The following TNRC6A variants were observed in gnomAD, a reference collection of about 807,000 sequenced individuals.
TNRC6A encodes the protein trinucleotide repeat-containing gene 6A protein.
TNRC6A carries 44 observed loss-of-function variants against 221.2 expected under a neutral mutation model. That is an observed-to-expected ratio of 0.20 (90% CI 0.16 to 0.26). The LOEUF is 0.26. TNRC6A is among the 10% of genes least tolerant of loss of function. TNRC6A has a pLI of 1.00. For synonymous variants in TNRC6A, 847 were observed against 838.5 expected, an observed-to-expected ratio of 1.01 and a Z score of -0.18; for missense variants, 2,199 against 2,404.4, an observed-to-expected ratio of 0.91 and a Z score of 1.79.
chr16:24,654,288 T>C (rs1490156988), intron 2 of TNRC6A, among the ~76,000 whole-genome samples: 2 of 152,194 alleles, frequency 1.3e-5, no homozygotes, highest in African/African-American at 4.8e-5. Flanking sequence ...GCTTACAAAA[T>C]GCCAGAATGC....
At chr16:24,675,159 A>G (rs1360284601) in intron 2 of TNRC6A, among the ~76,000 whole-genome samples, 2 of 152,166 alleles carry the variant, frequency 1.3e-5, no homozygotes, top group Non-Finnish European at 2.9e-5. Flanking sequence ...AACCAAAAAC[A>G]TTCTCCAACC....
intron 2 of TNRC6A, among the ~76,000 whole-genome samples, chr16:24,679,500 G>A (rs373812356): frequency 1.3e-3 from 193 of 151,314 alleles, no homozygotes; most frequent in African/African-American, 4.3e-3. Context: ...TTTCAAAGAC[G>A]GAGTCTTGCT....
intron 2 of TNRC6A, among the ~76,000 whole-genome samples, chr16:24,652,755 C>T (rs906076431): frequency 5.3e-5 from 8 of 152,166 alleles, no homozygotes; most frequent in Non-Finnish European, 1.2e-4. Flanking sequence ...ACGTGCCTGT[C>T]TTTACATTAG....
chr16:24,771,582 T>TTGTGATGTGATGTTA lies in TNRC6A; in HGVS notation c.164-5348_164-5347insGATGTGATGTTATGT, dbSNP rs1555502170. 2.0e-4 allele frequency among the ~76,000 whole-genome samples: 19 copies of TTGTGATGTGATGTTA among 95,552 alleles called. No individual in the cohort carries two copies. In the South Asian group the frequency reaches 5.8e-3, roughly 29 times the overall value. The allele number at this position is 95,552 out of a possible 152,430, so 62.7% of individuals were successfully genotyped here. A position where few individuals can be genotyped will look rare whatever the true frequency, so the allele number is the denominator to read the frequency against. ...ATGTTTTATGTTATGTTATGTTATG[T>TTGTGATGTGATGTTA]TGTTATGTTATGTTATGTTATGTTA... On this transcript the variant is annotated intron_variant, in intron 4 of 24. Transcript: ENST00000395799.
At chr16:24,674,774 C>T (rs1264284811) in intron 2 of TNRC6A, among the ~76,000 whole-genome samples, 3 of 150,844 alleles carry the variant, frequency 2.0e-5, no homozygotes, top group Non-Finnish European at 4.4e-5. Context: ...GTGACGTAAA[C>T]TTTTCTTAAA....
At chr16:24,820,675 T>C (rs1337510254) in intron 22 of TNRC6A, among the ~76,000 whole-genome samples, 1 of 152,174 alleles carries the variant, frequency 6.6e-6, no homozygotes, top group Non-Finnish European at 1.5e-5. Context: ...CTGGGGAACA[T>C]GGGAGCAGGC....
intron 7 of TNRC6A, 98 bp downstream of exon 7, chr16:24,793,747 ATATATT>A: frequency 2.0e-6 from 2 of 991,124 alleles, no homozygotes; most frequent in South Asian, 4.7e-5. Context: ...GTTATTTATA[ATATATT>A]CATATAATGT....
At chr16:24,730,198 C>G in intron 1 of TNRC6A, 55 bp from the exon 2 acceptor site, 1 of 1,504,638 alleles carries the variant, frequency 6.6e-7, no homozygotes, top group Non-Finnish European at 8.9e-7. Flanking sequence ...TCACGCGCAT[C>G]TCGTTTTTGT....
At chr16:24,661,193 A>G (rs1448290972) in intron 2 of TNRC6A, among the ~76,000 whole-genome samples, 3 of 152,040 alleles carry the variant, frequency 2.0e-5, no homozygotes, top group African/African-American at 7.2e-5. Flanking sequence ...AGGAGTGTAC[A>G]TTGTACCTAA....
At chr16:24,715,605 CTT>C (rs58843836) in intron 2 of TNRC6A, among the ~76,000 whole-genome samples, 2,454 of 127,222 alleles carry the variant, frequency 0.019, 25 homozygotes, top group Middle Eastern at 0.054. Context: ...TGAGTAGTTT[CTT>C]TTTTTTTTTT....
At chr16:24,680,234 A>G (rs1236244446) in intron 2 of TNRC6A, among the ~76,000 whole-genome samples, 1 of 151,904 alleles carries the variant, frequency 6.6e-6, no homozygotes, top group African/African-American at 2.4e-5. Flanking sequence ...AGCCTGGGCA[A>G]CATAGCAAGA....
rs2058827984 is a variant in TNRC6A at position 24,824,133 on chromosome 16, C to CCCCCCCG, written c.*330_*331insCCGCCCC. On this transcript the variant is annotated 3_prime_UTR_variant, in exon 25 of 25. Coordinates refer to ENST00000395799, the MANE Select transcript of TNRC6A (RefSeq NM_014494.4). ...TCCTTCTATTCCTCCCCAACCCCCC[C>CCCCCCCG]CCCCGCCCCTTTTTTTCTCTCTTGC... The CCCCCCCG allele has an allele frequency of 7.4e-6, 1 of 134,552 alleles. No individual in the cohort carries two copies. The highest frequency in any genetic ancestry group is 3.7e-5 in the African/African-American group (1 of 27,060). 8.3% of individuals were successfully genotyped at this position (134,552 alleles called of 1,614,324 possible).
chr16:24,819,262 G>T (rs1472069848), intron 21 of TNRC6A, among the ~76,000 whole-genome samples: 1 of 152,166 alleles, frequency 6.6e-6, no homozygotes, highest in Non-Finnish European at 1.5e-5. Flanking sequence ...GTAAGAAAAA[G>T]AGTTGATAGT....
At chr16:24,656,546 GATAAT>G (rs2054918366) in intron 2 of TNRC6A, among the ~76,000 whole-genome samples, 1 of 150,968 alleles carries the variant, frequency 6.6e-6, no homozygotes, top group African/African-American at 2.4e-5. Context: ...TATTTAAAAT[GATAAT>G]ATATCAGGCC....
intron 2 of TNRC6A, among the ~76,000 whole-genome samples, chr16:24,647,017 C>T (rs1567322530): frequency 0.02 from 1 of 50 alleles, no homozygotes; most frequent in Non-Finnish European, 0.045. Context: ...CAGTTTTGAC[C>T]TCCTGGGCTC....
rs747290902 is a variant in TNRC6A, at chr16:24,791,206, A to G, written c.2564A>G (p.Asp855Gly). The G allele has an allele frequency of 1.3e-5, 21 of 1,614,062 alleles. No individual in the cohort carries two copies. The highest frequency in any genetic ancestry group is 6.7e-5 in the Admixed American group (4 of 60,010). The change falls in exon 6 of 25, where the codon GAT becomes GGT. Residue 855 changes from aspartate (D) to glycine (G), a missense_variant. Physicochemically the swap from Asp to Gly is moderately conservative, Grantham distance 94 (BLOSUM62 -1). This residue lies in a region of TNRC6A where 1,405 missense variants were observed against 1,400.2 expected (regional missense o/e 1.00). Transcript: ENST00000395799. ...CAAGGGTGGTCTGTTTCTGCCAGTG[A>G]TAACTGGGGAGAAACTTCAAGGAAT... Reference protein sequence around the residue: ...SSQGWSVSASDNWGETSRNNH... With the variant: ...SSQGWSVSASGNWGETSRNNH...
At chr16:24,714,175 C>T (rs1308621756) in intron 2 of TNRC6A, among the ~76,000 whole-genome samples, 1 of 152,060 alleles carries the variant, frequency 6.6e-6, no homozygotes, top group African/African-American at 2.4e-5. Context: ...TGTTCCACAG[C>T]TCACTGGTGA....
At chr16:24,706,951 TA>T (rs1306938182) in intron 2 of TNRC6A, among the ~76,000 whole-genome samples, 1 of 150,518 alleles carries the variant, frequency 6.6e-6, no homozygotes, top group Non-Finnish European at 1.5e-5. Context: ...TCCAGACAGA[TA>T]AACGATGTAT....
chr16:24,627,667 A>T (rs1901093341), intron 1 of TNRC6A, among the ~76,000 whole-genome samples: 1 of 149,728 alleles, frequency 6.7e-6, no homozygotes, highest in African/African-American at 2.5e-5. Flanking sequence ...CTGATCTGCT[A>T]ACAGGTCTCT....
Sources: gnomAD v4.1 joint callset for allele counts (sites outside exome capture counted in the v4.1 genomes callset) on GRCh38, gnomAD v4.1.1 for gene constraint, gnomAD v4.1.1 regional missense constraint, MANE v1.5 for transcripts, NCBI Gene and HGNC (gene_info 2026-07-23, HGNC 2026-07-21) for gene names.